PPARGC1A: variants seen among roughly 807,000 people sequenced by gnomAD.
The protein encoded by PPARGC1A is PPARG coactivator 1 alpha, also known as peroxisome proliferator-activated receptor gamma coactivator 1-alpha.
In PPARGC1A, 25 loss-of-function variants were observed where a neutral mutation model predicts 88.7. The observed-to-expected ratio is 0.28, with a 90% CI of 0.21 to 0.39. PPARGC1A has a LOEUF of 0.39. Among genes scored for constraint, PPARGC1A ranks in the 10% least tolerant of loss-of-function variants. The pLI is 1.00. For missense variants in PPARGC1A, 880 were observed against 968.7 expected, an observed-to-expected ratio of 0.91 and a Z score of 1.22; for synonymous variants, 363 against 355.6, an observed-to-expected ratio of 1.02 and a Z score of -0.24.
the PPARGC1A span, among the ~76,000 whole-genome samples, chr4:24,258,554 ATTCTT>A: frequency 6.6e-6 from 1 of 152,198 alleles, no homozygotes; most frequent in African/African-American, 2.4e-5. Flanking sequence ...AGACACCAAT[ATTCTT>A]TTAATACTAG....
the PPARGC1A span, among the ~76,000 whole-genome samples, chr4:24,185,360 G>T: frequency 1.3e-5 from 2 of 152,148 alleles, no homozygotes; most frequent in African/African-American, 4.8e-5. Flanking sequence ...TGAAGACTAA[G>T]TCAGGCTCAT....
Position 23,829,349 on chromosome 4 carries a change from T to A in PPARGC1A, c.552+114A>T, listed in dbSNP as rs991605236. ...CCATTCATAATCTATTTCATCATTA[T>A]GAGGCAGCTTCGGGGTCCCAGCTGA... On this transcript the variant is annotated intron_variant, in intron 4 of 12. Coordinates refer to ENST00000264867, the MANE Select transcript of PPARGC1A (RefSeq NM_013261.5). 27 of 1,137,930 alleles carry A rather than the reference T, an allele frequency of 2.4e-5. No individual in the cohort carries two copies. In the Admixed American group the frequency reaches 5.0e-4, roughly 21 times the overall value. The allele number at this position is 1,137,930 out of a possible 1,614,324, so 70.5% of individuals were successfully genotyped here.
chr4:24,043,496 G>T, the PPARGC1A span, among the ~76,000 whole-genome samples: 1 of 152,066 alleles, frequency 6.6e-6, no homozygotes. Context: ...TTCCCTGGAG[G>T]ATCATATTCA....
At chr4:24,169,323 C>T in the PPARGC1A span, among the ~76,000 whole-genome samples, 3 of 152,102 alleles carry the variant, frequency 2.0e-5, no homozygotes, top group Non-Finnish European at 4.4e-5. Context: ...AAATGTAATA[C>T]GGGGTCCTGG....
At chr4:24,027,125 T>C in the PPARGC1A span, among the ~76,000 whole-genome samples, 1 of 151,838 alleles carries the variant, frequency 6.6e-6, no homozygotes, top group African/African-American at 2.4e-5. Context: ...TTACCAAGGA[T>C]GCCAAGAACC....
intron 2 of PPARGC1A, among the ~76,000 whole-genome samples, chr4:23,874,175 T>C (rs938922156): frequency 1.3e-5 from 2 of 152,332 alleles, no homozygotes; most frequent in South Asian, 2.1e-4. Context: ...AACTGATCGG[T>C]GTTACATATT....
chr4:24,339,979 C>T, the PPARGC1A span, among the ~76,000 whole-genome samples: 1 of 152,072 alleles, frequency 6.6e-6, no homozygotes, highest in African/African-American at 2.4e-5. Context: ...CCTCGTGATC[C>T]GCCTGCCTCA....
chr4:24,222,337 T>C, the PPARGC1A span, among the ~76,000 whole-genome samples: 4 of 152,212 alleles, frequency 2.6e-5, no homozygotes, highest in Non-Finnish European at 5.9e-5. Flanking sequence ...ATGCATCTCT[T>C]GATATCCCAA....
chr4:23,998,604 C>CTAATTTACTG, the PPARGC1A span, among the ~76,000 whole-genome samples: 5 of 152,172 alleles, frequency 3.3e-5, no homozygotes, highest in Non-Finnish European at 4.4e-5. Context: ...ACACTAAACT[C>CTAATTTACTG]AGCATCTAAT....
chr4:23,926,180 A>G, the PPARGC1A span, among the ~76,000 whole-genome samples: 1 of 152,140 alleles, frequency 6.6e-6, no homozygotes, highest in African/African-American at 2.4e-5. Context: ...CCATGACAGA[A>G]TCTATGTCTC....
chr4:24,026,203 T>C, the PPARGC1A span, among the ~76,000 whole-genome samples: 5 of 152,212 alleles, frequency 3.3e-5, no homozygotes, highest in African/African-American at 7.2e-5. Flanking sequence ...GTGGAATATA[T>C]GGTGTCCAGT....
the PPARGC1A span, among the ~76,000 whole-genome samples, chr4:23,975,190 C>T: frequency 6.6e-6 from 1 of 152,076 alleles, no homozygotes; most frequent in Non-Finnish European, 1.5e-5. Flanking sequence ...TCTTATTCAA[C>T]TGTGAAGATT....
At chr4:23,921,909 G>A in the PPARGC1A span, among the ~76,000 whole-genome samples, 6 of 152,182 alleles carry the variant, frequency 3.9e-5, no homozygotes, top group African/African-American at 1.2e-4. Context: ...CGGAGAGCAC[G>A]TTCTACATGG....
chr4:24,386,979 G>A, the PPARGC1A span, among the ~76,000 whole-genome samples: 19 of 152,242 alleles, frequency 1.2e-4, no homozygotes, highest in Middle Eastern at 3.4e-3. Context: ...CATGCTACCC[G>A]ACTTCAAACT....
At chr4:24,353,554 G>A in the PPARGC1A span, among the ~76,000 whole-genome samples, 1 of 152,140 alleles carries the variant, frequency 6.6e-6, no homozygotes, top group Non-Finnish European at 1.5e-5. Context: ...TTGCTAAGAA[G>A]GATGCAAAAA....
At chr4:24,137,549 A>G in the PPARGC1A span, among the ~76,000 whole-genome samples, 1 of 152,212 alleles carries the variant, frequency 6.6e-6, no homozygotes, top group Admixed American at 6.5e-5. Context: ...CAGATCCACA[A>G]GATGAATTGC....
At chr4:24,436,507 A>G in the PPARGC1A span, among the ~76,000 whole-genome samples, 597 of 140,774 alleles carry the variant, frequency 4.2e-3, 4 homozygotes, top group African/African-American at 0.014. Context: ...CCCAGAGCCC[A>G]GGTCACAAAG....
chr4:24,265,072 C>A, the PPARGC1A span, among the ~76,000 whole-genome samples: 2 of 152,126 alleles, frequency 1.3e-5, no homozygotes, highest in South Asian at 2.1e-4. Flanking sequence ...ACCACGGAAC[C>A]CTTTGGCATG....
the PPARGC1A span, among the ~76,000 whole-genome samples, chr4:24,325,189 T>C: frequency 1.3e-5 from 2 of 152,194 alleles, no homozygotes; most frequent in Non-Finnish European, 2.9e-5. Context: ...TGAGACGCTT[T>C]ACAGCCCTAG....
Sources: gnomAD v4.1 joint callset for allele counts (sites outside exome capture counted in the v4.1 genomes callset) on GRCh38, gnomAD v4.1.1 for gene constraint, MANE v1.5 for transcripts, NCBI Gene and HGNC (gene_info 2026-07-23, HGNC 2026-07-21) for gene names.